EYS: variants seen among roughly 807,000 people sequenced by gnomAD.
EYS encodes the protein EGF-like photoreceptor maintenance factor, also known as protein eyes shut homolog.
In EYS, 250 loss-of-function variants were observed where a neutral mutation model predicts 282.1. That is an observed-to-expected ratio of 0.89 (90% CI 0.80 to 0.98). The LOEUF (loss-of-function observed/expected upper bound fraction) is 0.98. Ranked by LOEUF, EYS falls within the 50% of genes least tolerant of loss-of-function variation. EYS has a pLI of 0.00. For synonymous variants in EYS, 1,355 were observed against 1,282.9 expected, an observed-to-expected ratio of 1.06 and a Z score of -1.20; for missense variants, 4,016 against 3,709.0, an observed-to-expected ratio of 1.08 and a Z score of -2.15.
At chr6:65,208,039 C>G (rs1275672791) in intron 12 of EYS, among the ~76,000 whole-genome samples, 2 of 151,572 alleles carry the variant, frequency 1.3e-5, no homozygotes, top group East Asian at 3.9e-4. Flanking sequence ...AAAGCTTCTA[C>G]CTAACAAAAG....
intron 2 of EYS, among the ~76,000 whole-genome samples, chr6:65,590,313 T>C (rs550541160): frequency 6.6e-6 from 1 of 152,168 alleles, no homozygotes; most frequent in South Asian, 2.1e-4. Context: ...ACAATACACA[T>C]AGACATATCA....
chr6:64,486,409 A>G (rs1356581541), intron 26 of EYS, among the ~76,000 whole-genome samples: 1 of 151,462 alleles, frequency 6.6e-6, no homozygotes, highest in African/African-American at 2.4e-5. Flanking sequence ...ATCCAAAAGA[A>G]TTCAAGGGAT....
chr6:65,537,941 CTT>C (rs1279357337), intron 2 of EYS, among the ~76,000 whole-genome samples: 3 of 152,266 alleles, frequency 2.0e-5, no homozygotes, highest in African/African-American at 7.2e-5. Context: ...GAGTCAAACT[CTT>C]TGGTCAGGCT....
intron 22 of EYS, among the ~76,000 whole-genome samples, chr6:64,650,772 G>A (rs1438996784): frequency 6.6e-6 from 1 of 151,988 alleles, no homozygotes; most frequent in Non-Finnish European, 1.5e-5. Flanking sequence ...GAAAAAAGGT[G>A]CTTTTCACAT....
chr6:65,176,031 A>C (rs557998261), intron 12 of EYS, among the ~76,000 whole-genome samples: 1 of 151,502 alleles, frequency 6.6e-6, no homozygotes, highest in South Asian at 2.1e-4. Context: ...GCCACAATCA[A>C]GATAATTAAC....
intron 35 of EYS, among the ~76,000 whole-genome samples, chr6:63,870,745 G>A (rs1772781360): frequency 6.6e-6 from 1 of 152,166 alleles, no homozygotes; most frequent in Admixed American, 6.5e-5. Flanking sequence ...TATAGAGTCA[G>A]TGTACTGAGC....
intron 1 of EYS, among the ~76,000 whole-genome samples, chr6:65,643,423 T>C (rs1018894065): frequency 5.9e-5 from 9 of 152,194 alleles, no homozygotes; most frequent in Admixed American, 2.6e-4. Flanking sequence ...CTATCCCTGC[T>C]ACCACCCGGT....
Position 65,365,593 on chromosome 6 carries a change from T to C in EYS, c.1300-11976A>G, listed in dbSNP as rs1272686064. Among the ~76,000 whole-genome samples, 3 of 151,634 alleles carry C rather than the reference T, an allele frequency of 2.0e-5. No individual in the cohort carries two copies. The East Asian group carries it at 5.8e-4, about 29-fold the overall frequency. ...TGAGTGACTATTACAAAGCCTAAGG[T>C]AAGATCATGGCCTGTCTTCCTCAAC... On this transcript the variant is annotated intron_variant, in intron 8 of 42. Coordinates refer to ENST00000503581, the MANE Select transcript of EYS (RefSeq NM_001142800.2).
At chr6:64,488,322 T>C (rs9362901) in intron 26 of EYS, among the ~76,000 whole-genome samples, 47,648 of 150,654 alleles carry the variant, frequency 0.32, 7,634 homozygotes, top group East Asian at 0.5. Flanking sequence ...TCAGAATCAC[T>C]CCAGATATAA....
intron 26 of EYS, among the ~76,000 whole-genome samples, chr6:64,586,692 T>C (rs905841491): frequency 6.6e-5 from 10 of 152,242 alleles, no homozygotes; most frequent in South Asian, 4.1e-4. Context: ...TTACCTTGAC[T>C]TATCCTTTTT....
chr6:65,270,714 G>A (rs1474795818), intron 12 of EYS, among the ~76,000 whole-genome samples: 5 of 151,768 alleles, frequency 3.3e-5, no homozygotes, highest in East Asian at 1.9e-4. Flanking sequence ...TAATTTTATT[G>A]ATTGCAACCC....
In EYS at chr6:65,483,110, A is replaced by G. The variant is rs538769387; in HGVS notation, c.862+7484T>C. 4.6e-5 allele frequency among the ~76,000 whole-genome samples: 7 copies of G among 152,272 alleles called. No individual in the cohort carries two copies. The East Asian group carries it at 1.2e-3, about 25-fold the overall frequency. On this transcript the variant is annotated intron_variant, in intron 5 of 42. Coordinates refer to ENST00000503581, the MANE Select transcript of EYS (RefSeq NM_001142800.2). ...TTCAAATTTGGGATTACAATTAAGA[A>G]TACATTTTCATGTGGTTTTATATTA... is the stretch of plus-strand genomic sequence containing the variant.
chr6:64,517,632 A>T (rs1453121879), intron 26 of EYS, among the ~76,000 whole-genome samples: 1 of 151,788 alleles, frequency 6.6e-6, no homozygotes, highest in East Asian at 1.9e-4. Flanking sequence ...CCTTCCATTT[A>T]TCTTGCCAAG....
Position 65,295,989 on chromosome 6 carries a change from G to C in EYS, c.1897C>G (p.Gln633Glu). Residue 633 changes from glutamine to glutamate, a missense_variant, in exon 12 of 43, where the codon CAA becomes GAA. Coordinates refer to ENST00000503581, the MANE Select transcript of EYS (RefSeq NM_001142800.2). ...LSHNCNCSGL[Q>E]RYERNICEID... Reference sequence around the variant, plus strand: ...TCACAGATGTTCCTTTCATATCTTTGCAGACCGCTACAGTTACAATTGTGC... The same window carrying C: ...TCACAGATGTTCCTTTCATATCTTTCCAGACCGCTACAGTTACAATTGTGC... 6.4e-7 allele frequency: 1 copy of C among 1,551,208 alleles called. No homozygotes were observed.
chr6:65,695,981 GA>G (rs1044071213), intron 1 of EYS, among the ~76,000 whole-genome samples: 30 of 151,976 alleles, frequency 2.0e-4, no homozygotes, highest in Non-Finnish European at 3.8e-4. Context: ...AAAGCCGTAT[GA>G]AATCCCAGAA....
intron 14 of EYS, among the ~76,000 whole-genome samples, chr6:64,982,271 T>C (rs1049601106): frequency 1.8e-4 from 27 of 151,350 alleles, no homozygotes; most frequent in Non-Finnish European, 4.4e-5. Context: ...ATTACTGTAG[T>C]AGAATTAATT....
intron 28 of EYS, among the ~76,000 whole-genome samples, chr6:64,389,577 T>C (rs955699937): frequency 6.6e-6 from 1 of 152,172 alleles, no homozygotes; most frequent in Non-Finnish European, 1.5e-5. Context: ...TCTTTACATA[T>C]AGTCTATGGG....
chr6:65,240,034 T>A (rs1406933126), intron 12 of EYS, among the ~76,000 whole-genome samples: 1 of 151,858 alleles, frequency 6.6e-6, no homozygotes, highest in African/African-American at 2.4e-5. Context: ...AGTGGTGCCA[T>A]CTCAGCTCAC....
At chr6:64,930,461 TAAA>T (rs55650031) in intron 15 of EYS, among the ~76,000 whole-genome samples, 34,795 of 122,996 alleles carry the variant, frequency 0.28, 5,145 homozygotes, top group East Asian at 0.53. Context: ...ATAAATAAGG[TAAA>T]AAAAAAAAAA....
Sources: gnomAD v4.1 joint callset for allele counts (sites outside exome capture counted in the v4.1 genomes callset) on GRCh38, gnomAD v4.1.1 for gene constraint, MANE v1.5 for transcripts, NCBI Gene and HGNC (gene_info 2026-07-23, HGNC 2026-07-21) for gene names.